The following ERBB4 variants were observed in gnomAD, a reference collection of about 807,000 sequenced individuals.
ERBB4 encodes erb-b2 receptor tyrosine kinase 4.
In ERBB4, 42 loss-of-function variants were observed where a neutral mutation model predicts 158.0. That is an observed-to-expected ratio of 0.27 (90% confidence interval 0.21 to 0.34). ERBB4 has a LOEUF of 0.34. Among genes scored for constraint, ERBB4 ranks in the 10% least tolerant of loss-of-function variants. The pLI is 1.00. For missense variants in ERBB4, 1,333 were observed against 1,624.1 expected, an observed-to-expected ratio of 0.82 and a Z score of 3.08; for synonymous variants, 583 against 558.7, an observed-to-expected ratio of 1.04 and a Z score of -0.61.
At chr2:212,152,932 G>T (rs765059109) in intron 1 of ERBB4, among the ~76,000 whole-genome samples, 2 of 152,126 alleles carry the variant, frequency 1.3e-5, no homozygotes, top group African/African-American at 2.4e-5. Flanking sequence ...GGCATCACAT[G>T]TTCCACAGTT....
At chr2:211,455,406 C>G (rs1359956009) in intron 20 of ERBB4, among the ~76,000 whole-genome samples, 1 of 152,156 alleles carries the variant, frequency 6.6e-6, no homozygotes, top group African/African-American at 2.4e-5. Flanking sequence ...CCCAGCAGTG[C>G]TAAACAGCTC....
intron 1 of ERBB4, among the ~76,000 whole-genome samples, chr2:212,287,977 G>T (rs933938220): frequency 5.3e-5 from 8 of 152,092 alleles, no homozygotes. Flanking sequence ...CCTGGGCTAT[G>T]AAATAATCTG....
chr2:211,481,733 G>T (rs569636418), intron 20 of ERBB4, among the ~76,000 whole-genome samples: 1 of 152,012 alleles, frequency 6.6e-6, no homozygotes, highest in East Asian at 1.9e-4. Context: ...TACTTTGTTG[G>T]ATAAACACAT....
chr2:212,254,381 A>G (rs1208671772), intron 1 of ERBB4, among the ~76,000 whole-genome samples: 1 of 152,176 alleles, frequency 6.6e-6, no homozygotes, highest in Non-Finnish European at 1.5e-5. Flanking sequence ...ATCACACCAC[A>G]GAGGAAACAA....
At chr2:212,437,333 T>C (rs1489139014) in intron 1 of ERBB4, among the ~76,000 whole-genome samples, 1 of 151,998 alleles carries the variant, frequency 6.6e-6, no homozygotes, top group Non-Finnish European at 1.5e-5. Flanking sequence ...TTCACATTAA[T>C]GGTAAAGTTC....
intron 1 of ERBB4, among the ~76,000 whole-genome samples, chr2:212,511,596 C>T (rs1442815587): frequency 2.6e-5 from 4 of 152,014 alleles, no homozygotes; most frequent in Non-Finnish European, 4.4e-5. Flanking sequence ...TTCTGTGAAA[C>T]GAATAGATAC....
chr2:211,636,962 A>G (rs1269968526), intron 16 of ERBB4, among the ~76,000 whole-genome samples: 1 of 151,954 alleles, frequency 6.6e-6, no homozygotes, highest in Non-Finnish European at 1.5e-5. Context: ...ATTTTCAGCA[A>G]GTTTTACTTT....
chr2:212,412,450 G>T (rs2091526393), intron 1 of ERBB4, among the ~76,000 whole-genome samples: 1 of 152,078 alleles, frequency 6.6e-6, no homozygotes, highest in Admixed American at 6.6e-5. Context: ...TTTTGCTCCT[G>T]CTCTGGCCAT....
At chr2:212,132,900 C>T (rs1472038578) in intron 1 of ERBB4, among the ~76,000 whole-genome samples, 1 of 152,024 alleles carries the variant, frequency 6.6e-6, no homozygotes, top group Non-Finnish European at 1.5e-5. Context: ...TAAGCCCATC[C>T]CTTGTTAACG....
intron 4 of ERBB4, among the ~76,000 whole-genome samples, chr2:211,763,197 T>G (rs2075458594): frequency 6.6e-6 from 1 of 152,136 alleles, no homozygotes; most frequent in African/African-American, 2.4e-5. Flanking sequence ...GTCAGAATAG[T>G]CAGTGTTTAA....
At chr2:211,878,186 T>C (rs934540960) in intron 3 of ERBB4, among the ~76,000 whole-genome samples, 30 of 152,190 alleles carry the variant, frequency 2.0e-4, no homozygotes, top group African/African-American at 7.0e-4. Flanking sequence ...CAAATTAAAA[T>C]CTTCCATCGA....
intron 5 of ERBB4, among the ~76,000 whole-genome samples, chr2:211,749,254 A>G (rs2075059790): frequency 6.6e-6 from 1 of 152,202 alleles, no homozygotes; most frequent in Non-Finnish European, 1.5e-5. Context: ...TTCTCTACCC[A>G]TTTCCAAATC....
At chr2:211,912,554 T>A (rs921463268) in intron 3 of ERBB4, among the ~76,000 whole-genome samples, 1 of 152,174 alleles carries the variant, frequency 6.6e-6, no homozygotes, top group Non-Finnish European at 1.5e-5. Context: ...GGAAAACATT[T>A]TGAAATGAAA....
intron 4 of ERBB4, among the ~76,000 whole-genome samples, chr2:211,768,061 T>C (rs2075597371): frequency 6.6e-6 from 1 of 152,150 alleles, no homozygotes; most frequent in African/African-American, 2.4e-5. Context: ...AGACATTGGG[T>C]AAATACACTC....
intron 1 of ERBB4, among the ~76,000 whole-genome samples, chr2:212,195,098 A>G (rs1421135985): frequency 1.3e-5 from 2 of 152,040 alleles, no homozygotes; most frequent in Non-Finnish European, 2.9e-5. Flanking sequence ...TAATTTGTAT[A>G]TAGTGCATAA....
At chr2:211,716,362 C>CAA (rs534486221) in intron 7 of ERBB4, among the ~76,000 whole-genome samples, 855 of 69,108 alleles carry the variant, frequency 0.012, 51 homozygotes, top group African/African-American at 0.017. Flanking sequence ...AACTCTGTCT[C>CAA]AAAAAAAAAA....
intron 3 of ERBB4, among the ~76,000 whole-genome samples, chr2:211,909,870 C>A (rs190715473): frequency 1.3e-5 from 2 of 151,832 alleles, no homozygotes; most frequent in South Asian, 4.2e-4. Flanking sequence ...AATTAATATA[C>A]TTTCCATAGT....
At chr2:212,495,535 T>C (rs994191843) in intron 1 of ERBB4, among the ~76,000 whole-genome samples, 3 of 152,206 alleles carry the variant, frequency 2.0e-5, no homozygotes, top group African/African-American at 4.8e-5. Flanking sequence ...CAAGTTTGTA[T>C]TGACAAAAAA....
chr2:211,580,487 C>A (rs759049984), intron 19 of ERBB4, among the ~76,000 whole-genome samples: 2 of 151,550 alleles, frequency 1.3e-5, no homozygotes, highest in East Asian at 3.9e-4. Flanking sequence ...ATCAAAAAAT[C>A]AAAAAATAAT....
Sources: allele counts gnomAD v4.1 joint callset (sites outside exome capture counted in the v4.1 genomes callset), GRCh38; gene constraint gnomAD v4.1.1; transcripts MANE v1.5; gene names NCBI Gene and HGNC (gene_info 2026-07-23, HGNC 2026-07-21).